FAF1: variants seen among roughly 807,000 people sequenced by gnomAD.
FAF1 encodes FAS-associated factor 1.
A neutral mutation model predicts 92.5 loss-of-function variants in FAF1; 25 were observed. That is an observed-to-expected ratio of 0.27 (90% CI 0.20 to 0.38). FAF1 has a LOEUF of 0.38. Ranked by LOEUF, FAF1 falls within the 10% of genes least tolerant of loss-of-function variation. FAF1 has a pLI of 1.00. For synonymous variants in FAF1, 234 were observed against 273.2 expected, an observed-to-expected ratio of 0.86 and a Z score of 1.42; for missense variants, 636 against 793.3, an observed-to-expected ratio of 0.80 and a Z score of 2.38.
At position 50,475,593 on chromosome 1, in the gene FAF1, G is replaced by T; in HGVS notation, c.1740C>A (p.Thr580=). The change falls in exon 18 of 19, where the codon ACC becomes ACA. Residue 580 remains threonine (T), a synonymous_variant. Coordinates refer to ENST00000396153, the MANE Select transcript of FAF1 (RefSeq NM_007051.3). The part of the protein sequence containing the change: ...AEPVSKLRIR[T]PSGEFLERRF... ...GCCGCTCCAAGAACTCGCCACTGGG[G>T]GTCCGGATCCGCAGTTTGCTCACAG... The T allele has an allele frequency of 6.2e-7, 1 of 1,614,076 alleles. No individual in the cohort carries two copies. Among genetic ancestry groups the T allele is most frequent in the Non-Finnish European group, 8.5e-7 (1 of 1,179,986 alleles).
intron 3 of FAF1, among the ~76,000 whole-genome samples, chr1:50,793,218 G>A (rs1196486390): frequency 1.3e-5 from 2 of 152,070 alleles, no homozygotes; most frequent in Admixed American, 6.6e-5. Context: ...ATTAAATGAG[G>A]CATGGTCCCC....
chr1:50,750,296 G>A (rs1449810714), intron 4 of FAF1, among the ~76,000 whole-genome samples: 1 of 152,136 alleles, frequency 6.6e-6, no homozygotes, highest in Non-Finnish European at 1.5e-5. Flanking sequence ...ATTAACTTAA[G>A]TGCTTGCTTT....
intron 4 of FAF1, among the ~76,000 whole-genome samples, chr1:50,771,833 G>A (rs958866326): frequency 1.3e-5 from 2 of 152,168 alleles, no homozygotes; most frequent in African/African-American, 2.4e-5. Context: ...CCTGGGAGGC[G>A]GAGGTTGCAG....
chr1:50,674,166 T>G (rs774225889), intron 7 of FAF1, among the ~76,000 whole-genome samples: 1 of 152,172 alleles, frequency 6.6e-6, no homozygotes, highest in Non-Finnish European at 1.5e-5. Flanking sequence ...TTGGTCAGGT[T>G]GGTCTCGAAC....
At chr1:50,870,809 A>G (rs993710145) in intron 1 of FAF1, among the ~76,000 whole-genome samples, 49 of 152,188 alleles carry the variant, frequency 3.2e-4, no homozygotes, top group African/African-American at 1.2e-3. Context: ...AACGAGGCCA[A>G]TTAATAATCC....
chr1:50,788,072 G>A lies in FAF1; in HGVS notation c.295C>T (p.Arg99Trp), dbSNP rs750800804. The change falls in exon 4 of 19, where the codon CGG (arginine) becomes TGG (tryptophan). Residue 99 changes from arginine (R) to tryptophan (W), a missense_variant. Physicochemically the swap from Arg to Trp is moderately radical, Grantham distance 101 (BLOSUM62 -3). This residue lies in a region of FAF1 where 317 missense variants were observed against 342.4 expected (regional missense o/e 0.93). Transcript: ENST00000396153. ...TATTCAACCCTGAAGTCCAGCATCC[G>A]AGGTTGCCTTTCTACAATCTGCCTG... ...PSRQIVERQP[R>W]MLDFRVEYRD... 5.0e-6 allele frequency: 8 copies of A among 1,614,000 alleles called. No individual in the cohort carries two copies. Among genetic ancestry groups the A allele is most frequent in the Admixed American group, 1.7e-5 (1 of 59,992 alleles).
chr1:50,765,128 A>G (rs1660514642), intron 4 of FAF1, among the ~76,000 whole-genome samples: 1 of 152,222 alleles, frequency 6.6e-6, no homozygotes, highest in African/African-American at 2.4e-5. Context: ...GAAGGCTACA[A>G]AAAGAAAAAA....
intron 1 of FAF1, among the ~76,000 whole-genome samples, chr1:50,896,209 C>T (rs567375643): frequency 2.0e-5 from 3 of 152,122 alleles, no homozygotes; most frequent in East Asian, 1.9e-4. Context: ...CACCTGAGCC[C>T]GGGAGGTTGA....
intron 8 of FAF1, among the ~76,000 whole-genome samples, chr1:50,611,234 T>A (rs567169339): frequency 1.6e-4 from 24 of 152,366 alleles, no homozygotes; most frequent in African/African-American, 5.8e-4. Context: ...CTTTTAGACT[T>A]ATGAAAGACT....
At chr1:50,661,377 T>C (rs1175427233) in intron 7 of FAF1, among the ~76,000 whole-genome samples, 1 of 152,202 alleles carries the variant, frequency 6.6e-6, no homozygotes, top group Non-Finnish European at 1.5e-5. Flanking sequence ...CCCACGATTC[T>C]TCACATATCA....
At chr1:50,746,271 T>G (rs1659593857) in intron 4 of FAF1, among the ~76,000 whole-genome samples, 1 of 24,870 alleles carries the variant, frequency 4.0e-5, no homozygotes, top group African/African-American at 1.9e-4. Flanking sequence ...TATATATATA[T>G]ATATATATAT....
chr1:50,491,818 C>G lies in FAF1; in HGVS notation c.1495-17G>C. On this transcript the variant is annotated splice_polypyrimidine_tract_variant and intron_variant, in intron 15 of 18. Transcript: ENST00000396153. ...ACGTTCATCCTTAAAGAAAAAGATT[C>G]AAATATTTTTTGACATATAACTTTT... 2 of 1,581,358 alleles carry G rather than the reference C, an allele frequency of 1.3e-6. No individual in the cohort carries two copies. The highest frequency in any genetic ancestry group is 2.7e-5 in the African/African-American group (2 of 73,286).
chr1:50,881,619 G>T (rs943311004), intron 1 of FAF1, among the ~76,000 whole-genome samples: 4 of 152,184 alleles, frequency 2.6e-5, no homozygotes, highest in East Asian at 1.9e-4. Context: ...ATGTCAGTAA[G>T]TTGAAAGTAT....
intron 6 of FAF1, among the ~76,000 whole-genome samples, chr1:50,707,887 T>C (rs1657752242): frequency 6.6e-6 from 1 of 152,180 alleles, no homozygotes; most frequent in South Asian, 2.1e-4. Context: ...GTTAAGACTT[T>C]GATTTTATTC....
intron 1 of FAF1, among the ~76,000 whole-genome samples, chr1:50,933,952 T>C (rs1645067534): frequency 6.6e-6 from 1 of 152,162 alleles, no homozygotes; most frequent in South Asian, 2.1e-4. Flanking sequence ...CCAGGCCCCA[T>C]GATTCATTTA....
intron 7 of FAF1, among the ~76,000 whole-genome samples, chr1:50,696,355 C>T (rs983921646): frequency 6.6e-6 from 1 of 152,164 alleles, no homozygotes; most frequent in African/African-American, 2.4e-5. Flanking sequence ...TGGGTGCCTA[C>T]AGTCATGTCA....
chr1:50,442,602 T>TG (rs1411690070), intron 18 of FAF1, among the ~76,000 whole-genome samples: 1 of 152,180 alleles, frequency 6.6e-6, no homozygotes, highest in Non-Finnish European at 1.5e-5. Flanking sequence ...GGCCTGAGGC[T>TG]GCTGCTCTGC....
intron 2 of FAF1, among the ~76,000 whole-genome samples, chr1:50,836,951 C>CTTTTTTTTTTTTTT (rs528322924): frequency 1.3e-5 from 1 of 76,706 alleles, no homozygotes; most frequent in Non-Finnish European, 2.4e-5. Context: ...TGTTATGTTT[C>CTTTTTTTTTTTTTT]TTTTTTTTTT....
At chr1:50,871,424 C>T (rs1644527352) in intron 1 of FAF1, among the ~76,000 whole-genome samples, 1 of 152,236 alleles carries the variant, frequency 6.6e-6, no homozygotes, top group Non-Finnish European at 1.5e-5. Context: ...GGCTTCAAAG[C>T]TTCAAAGGGC....
Sources: allele counts gnomAD v4.1 joint callset (sites outside exome capture counted in the v4.1 genomes callset), GRCh38; gene constraint gnomAD v4.1.1; regional missense constraint gnomAD v4.1.1; transcripts MANE v1.5; gene names NCBI Gene and HGNC (gene_info 2026-07-23, HGNC 2026-07-21).